KBTBD11: variants seen among roughly 807,000 people sequenced by gnomAD.
The protein encoded by KBTBD11 is kelch repeat and BTB domain containing 11.
For missense variants in KBTBD11, 1,390 were observed against 1,001.8 expected, an observed-to-expected ratio of 1.39 and a Z score of -5.23; for synonymous variants, 747 against 499.0, an observed-to-expected ratio of 1.50 and a Z score of -6.63.
rs1817497782 is a variant in KBTBD11, at chr8:2,004,044, A to T, written c.*980A>T. On this transcript the variant is annotated 3_prime_UTR_variant, in exon 2 of 2. Transcript: ENST00000320248. ...GCACATTTTAAACCCACTGTATATG[A>T]TGTTTTCAATGTGGATCGTGTAGTT... 6.0e-6 allele frequency: 1 copy of T among 166,874 alleles called. No homozygotes were observed. The highest frequency in any genetic ancestry group is 2.4e-5 in the African/African-American group (1 of 41,446). 10.3% of individuals were successfully genotyped at this position (166,874 alleles called of 1,614,324 possible).
chr8:1,995,680 A>G (rs1817110856), intron 1 of KBTBD11, among the ~76,000 whole-genome samples: 1 of 152,132 alleles, frequency 6.6e-6, no homozygotes, highest in Admixed American at 6.5e-5. Flanking sequence ...AATAACCTTG[A>G]AAAGCAATAT....
chr8:1,986,288 A>G (rs1350690618), intron 1 of KBTBD11, among the ~76,000 whole-genome samples: 1 of 152,236 alleles, frequency 6.6e-6, no homozygotes, highest in East Asian at 1.9e-4. Flanking sequence ...TCCTGCTGAC[A>G]GTTTTGATGA....
intron 1 of KBTBD11, among the ~76,000 whole-genome samples, chr8:1,985,730 C>A (rs1048782846): frequency 5.3e-5 from 8 of 152,232 alleles, no homozygotes; most frequent in African/African-American, 1.9e-4. Context: ...GAGTCCCAGG[C>A]TGCAGTGAGC....
intron 1 of KBTBD11, chr8:1,975,220 T>C (rs1455976612): frequency 6.6e-6 from 1 of 152,212 alleles, no homozygotes; most frequent in Non-Finnish European, 1.5e-5. Context: ...TAAGTAAAAA[T>C]TGTAATGAGG....
Position 2,005,064 on chromosome 8 carries a change from A to C in KBTBD11, c.*2000A>C, listed in dbSNP as rs1476706105. On this transcript the variant is annotated 3_prime_UTR_variant, in exon 2 of 2. Coordinates refer to ENST00000320248, the MANE Select transcript of KBTBD11 (RefSeq NM_014867.3). ...TGAAATATTGAAATTAGGCTTCCAG[A>C]GTAACACTGTCCCCGGAAAAGGATA... 1.2e-5 allele frequency: 2 copies of C among 167,112 alleles called. No individual in the cohort carries two copies. The highest frequency in any genetic ancestry group is 4.8e-5 in the African/African-American group (2 of 41,450). The allele number at this position is 167,112 out of a possible 1,614,324, so 10.4% of individuals were successfully genotyped here. A position where few individuals can be genotyped will look rare whatever the true frequency, so the allele number is the denominator to read the frequency against.
At chr8:1,974,816 A>G (rs1056889840) in intron 1 of KBTBD11, 4 of 415,510 alleles carry the variant, frequency 9.6e-6, no homozygotes, top group Non-Finnish European at 1.3e-5. Context: ...CCCTCCACCC[A>G]CTCCAGTGTC....
intron 1 of KBTBD11, among the ~76,000 whole-genome samples, chr8:1,981,073 C>G (rs1043627279): frequency 6.6e-6 from 1 of 152,166 alleles, no homozygotes; most frequent in Non-Finnish European, 1.5e-5. Flanking sequence ...CTGTGTGACC[C>G]TGAGCCTGTC....
intron 1 of KBTBD11, among the ~76,000 whole-genome samples, chr8:1,984,711 C>G (rs559168841): frequency 2.0e-5 from 3 of 152,234 alleles, no homozygotes; most frequent in African/African-American, 7.2e-5. Context: ...AGCAGGAACT[C>G]ATAGCATTTG....
intron 1 of KBTBD11, among the ~76,000 whole-genome samples, chr8:1,994,057 A>G (rs1486300962): frequency 6.6e-6 from 1 of 151,916 alleles, no homozygotes; most frequent in Non-Finnish European, 1.5e-5. Flanking sequence ...GTGAGTTGGG[A>G]GCAGATTGCT....
At chr8:1,998,866 C>A (rs1348749119) in intron 1 of KBTBD11, among the ~76,000 whole-genome samples, 1 of 152,198 alleles carries the variant, frequency 6.6e-6, no homozygotes, top group Non-Finnish European at 1.5e-5. Context: ...CACAGCTTTT[C>A]CATTTCGGGT....
In KBTBD11 at chr8:1,973,770, G is replaced by C. The variant is rs1460047424; in HGVS notation, c.-1074G>C. 1.4e-5 allele frequency: 14 copies of C among 983,658 alleles called. No individual in the cohort carries two copies. The highest frequency in any genetic ancestry group is 1.7e-5 in the Non-Finnish European group (14 of 829,312). 60.9% of individuals were successfully genotyped at this position (983,658 alleles called of 1,614,324 possible). A position where few individuals can be genotyped will look rare whatever the true frequency, so the allele number is the denominator to read the frequency against. On this transcript the variant is annotated 5_prime_UTR_variant, in exon 1 of 2. Transcript: ENST00000320248. ...AGGCCTGTCCACCGCCCCCTCTGCC[G>C]CCCACGCCCCGCTGCGGGTCGGAGG...
rs568039612 is a variant in KBTBD11 at position 1,973,807 on chromosome 8, C to G, written c.-1037C>G. 5.1e-6 allele frequency: 5 copies of G among 983,390 alleles called. No individual in the cohort carries two copies. In the Admixed American group the frequency reaches 3.1e-4, roughly 61 times the overall value. The allele number at this position is 983,390 out of a possible 1,614,324, so 60.9% of individuals were successfully genotyped here. A position where few individuals can be genotyped will look rare whatever the true frequency, so the allele number is the denominator to read the frequency against. On this transcript the variant is annotated 5_prime_UTR_variant, in exon 1 of 2. Transcript: ENST00000320248. ...CTGCGGGTCGGAGGAGCAGCTCCCG[C>G]TCGCAGGTGCTCGGAGAGGCCGGGC...
intron 1 of KBTBD11, among the ~76,000 whole-genome samples, chr8:1,986,530 T>A (rs1378201299): frequency 6.6e-6 from 1 of 152,180 alleles, no homozygotes; most frequent in Non-Finnish European, 1.5e-5. Flanking sequence ...CTCAGAACTT[T>A]AAAAAGGACA....
intron 1 of KBTBD11, among the ~76,000 whole-genome samples, chr8:1,983,583 C>T (rs777189676): frequency 1.3e-5 from 2 of 152,178 alleles, no homozygotes; most frequent in Admixed American, 6.5e-5. Context: ...GTGGCACCTC[C>T]ATGAGGGTCA....
At chr8:1,986,378 C>A (rs528055922) in intron 1 of KBTBD11, among the ~76,000 whole-genome samples, 13 of 152,156 alleles carry the variant, frequency 8.5e-5, no homozygotes, top group Non-Finnish European at 1.2e-4. Context: ...CGGGTTTCTG[C>A]CCTCCTTTCA....
chr8:1,998,538 G>C (rs1817226634), intron 1 of KBTBD11, among the ~76,000 whole-genome samples: 1 of 152,168 alleles, frequency 6.6e-6, no homozygotes, highest in Non-Finnish European at 1.5e-5. Context: ...TCTCGGGATG[G>C]AGGCTCCTGT....
chr8:1,984,647 G>A (rs1385706505), intron 1 of KBTBD11, among the ~76,000 whole-genome samples: 1 of 147,968 alleles, frequency 6.8e-6, no homozygotes, highest in Non-Finnish European at 1.5e-5. Flanking sequence ...CTAGGTGAGT[G>A]GCCCCCTAAA....
chr8:1,994,678 G>A lies in KBTBD11; in HGVS notation c.-908-5607G>A, dbSNP rs145123717. On this transcript the variant is annotated intron_variant, in intron 1 of 1. Coordinates refer to ENST00000320248, the MANE Select transcript of KBTBD11 (RefSeq NM_014867.3). ...CAGAACAGTGCCTGGCAAAATAGACGCCCGCTGCTCTGTGTCCTTTCGGAC... is the reference window on the plus strand; with the variant it reads ...CAGAACAGTGCCTGGCAAAATAGACACCCGCTGCTCTGTGTCCTTTCGGAC... Among the ~76,000 whole-genome samples the A allele has an allele frequency of 3.2e-3, 480 of 152,308 alleles. 1 individual carries two copies. The highest frequency in any genetic ancestry group is 6.7e-3 in the Admixed American group (102 of 15,304).
intron 1 of KBTBD11, among the ~76,000 whole-genome samples, chr8:1,991,764 G>C (rs1816927657): frequency 6.6e-6 from 1 of 151,954 alleles, no homozygotes; most frequent in South Asian, 2.1e-4. Context: ...GCCCACCGGT[G>C]AGTGGGCCTT....
Sources: gnomAD v4.1 joint callset for allele counts (sites outside exome capture counted in the v4.1 genomes callset) on GRCh38, gnomAD v4.1.1 for gene constraint, MANE v1.5 for transcripts, NCBI Gene and HGNC (gene_info 2026-07-23, HGNC 2026-07-21) for gene names.